PTPRO: variants seen among roughly 807,000 people sequenced by gnomAD.
PTPRO encodes protein tyrosine phosphatase receptor type O.
A neutral mutation model predicts 145.2 loss-of-function variants in PTPRO; 62 were observed. That is an observed-to-expected ratio of 0.43 (90% CI 0.35 to 0.53). PTPRO has a LOEUF of 0.53. Among genes scored for constraint, PTPRO ranks in the 20% least tolerant of loss-of-function variants. PTPRO has a pLI of 0.01. For missense variants in PTPRO, 1,345 were observed against 1,482.7 expected (o/e 0.91, Z 1.53); for synonymous variants, 565 against 514.7 (o/e 1.10, Z -1.32).
At chr12:15,453,554 A>T (rs1390346844) in intron 1 of PTPRO, among the ~76,000 whole-genome samples, 1 of 152,198 alleles carries the variant, frequency 6.6e-6, no homozygotes, top group East Asian at 1.9e-4. Flanking sequence ...AGCAAGCATA[A>T]TCTAGCAAAT....
chr12:15,429,555 T>A (rs756144932), intron 1 of PTPRO, among the ~76,000 whole-genome samples: 1 of 152,124 alleles, frequency 6.6e-6, no homozygotes, highest in African/African-American at 2.4e-5. Context: ...ATAATCCAGT[T>A]AAGAAACTGA....
chr12:15,443,019 A>G (rs920212408), intron 1 of PTPRO, among the ~76,000 whole-genome samples: 1 of 152,160 alleles, frequency 6.6e-6, no homozygotes, highest in African/African-American at 2.4e-5. Flanking sequence ...TAGTCTAAGC[A>G]ATCCTAAAAA....
intron 1 of PTPRO, among the ~76,000 whole-genome samples, chr12:15,465,445 C>G: frequency 6.6e-6 from 1 of 152,130 alleles, no homozygotes. Flanking sequence ...AACTTGGGGA[C>G]AGAAGAATTT....
At chr12:15,514,867 A>C (rs1002208367) in intron 7 of PTPRO, among the ~76,000 whole-genome samples, 3 of 151,974 alleles carry the variant, frequency 2.0e-5, no homozygotes, top group Admixed American at 1.3e-4. Context: ...GGTTCAAGCA[A>C]TTCTCCTACC....
intron 1 of PTPRO, among the ~76,000 whole-genome samples, chr12:15,339,577 T>C (rs1407062769): frequency 6.6e-6 from 1 of 152,188 alleles, no homozygotes; most frequent in Non-Finnish European, 1.5e-5. Context: ...AAAATAATCC[T>C]CTGTTGCTTG....
chr12:15,564,319 C>T (rs1943845940), intron 17 of PTPRO, among the ~76,000 whole-genome samples: 1 of 152,204 alleles, frequency 6.6e-6, no homozygotes, highest in Non-Finnish European at 1.5e-5. Context: ...TCTTTTCAAT[C>T]AGAACATCAC....
At chr12:15,482,738 A>G (rs893985513) in intron 1 of PTPRO, among the ~76,000 whole-genome samples, 14 of 152,272 alleles carry the variant, frequency 9.2e-5, no homozygotes, top group African/African-American at 3.1e-4. Context: ...TATATCGTCA[A>G]TTTAATCAGC....
At chr12:15,438,364 A>T (rs1373731589) in intron 1 of PTPRO, among the ~76,000 whole-genome samples, 3 of 152,156 alleles carry the variant, frequency 2.0e-5, no homozygotes, top group African/African-American at 7.2e-5. Flanking sequence ...TCCCTAGCCA[A>T]AATGGAAACT....
chr12:15,516,705 A>T (rs1247625113), intron 8 of PTPRO, 58 bp from the exon 9 acceptor site: 1 of 1,472,894 alleles, frequency 6.8e-7, no homozygotes. Flanking sequence ...GTTTGAGGCC[A>T]TTGCTAAGAC....
chr12:15,546,730 C>A (rs779234320), intron 13 of PTPRO, 22 bp downstream of exon 13: 4 of 1,613,528 alleles, frequency 2.5e-6, no homozygotes, highest in Non-Finnish European at 8.5e-7. Flanking sequence ...TTTGATCTAC[C>A]TTTTCTCAGT....
At position 15,425,534 on chromosome 12, in the gene PTPRO, A is replaced by T. The variant is rs538157209; in HGVS notation, c.76-58440A>T. Reference sequence around the variant, plus strand: ...TATCTTATTAAACAAGGCCTTGCCCAGCTCAGATTATAAAATAACCTCCTA... The same window carrying T: ...TATCTTATTAAACAAGGCCTTGCCCTGCTCAGATTATAAAATAACCTCCTA... On this transcript the variant is annotated intron_variant, in intron 1 of 26. Transcript: ENST00000281171. Among the ~76,000 whole-genome samples the T allele has an allele frequency of 2.0e-5, 3 of 152,250 alleles. No homozygotes were observed. The South Asian group carries it at 6.2e-4, about 32-fold the overall frequency.
At chr12:15,460,805 T>A (rs1162943348) in intron 1 of PTPRO, among the ~76,000 whole-genome samples, 1 of 152,190 alleles carries the variant, frequency 6.6e-6, no homozygotes, top group East Asian at 1.9e-4. Context: ...CTTTTCTGGG[T>A]CTTGGGTTTC....
intron 1 of PTPRO, among the ~76,000 whole-genome samples, chr12:15,450,090 T>C (rs7976706): frequency 0.86 from 130,872 of 152,236 alleles, 59,139 homozygotes; most frequent in Non-Finnish European, 0.99. Flanking sequence ...ACATCTATGT[T>C]CATGTCTTAT....
intron 1 of PTPRO, among the ~76,000 whole-genome samples, chr12:15,383,086 C>T (rs75744776): frequency 0.016 from 2,423 of 152,278 alleles, 67 homozygotes; most frequent in African/African-American, 0.054. Flanking sequence ...ACTGAAGCTT[C>T]GTGTTCTTTG....
At chr12:15,474,246 A>G (rs1941605880) in intron 1 of PTPRO, among the ~76,000 whole-genome samples, 1 of 152,176 alleles carries the variant, frequency 6.6e-6, no homozygotes, top group South Asian at 2.1e-4. Flanking sequence ...TGACTAGAAC[A>G]TATCTCTGAC....
At chr12:15,411,412 T>C (rs1400017827) in intron 1 of PTPRO, among the ~76,000 whole-genome samples, 1 of 152,254 alleles carries the variant, frequency 6.6e-6, no homozygotes, top group Non-Finnish European at 1.5e-5. Context: ...AGTCCCATTT[T>C]TTACTTATTT....
chr12:15,582,040 T>G (rs1490580771), intron 23 of PTPRO, among the ~76,000 whole-genome samples: 2 of 152,262 alleles, frequency 1.3e-5, no homozygotes, highest in South Asian at 2.1e-4. Flanking sequence ...CTATAGATTA[T>G]AGATTAACTA....
intron 11 of PTPRO, among the ~76,000 whole-genome samples, chr12:15,525,918 A>C (rs1308425133): frequency 6.6e-6 from 1 of 152,124 alleles, no homozygotes; most frequent in Non-Finnish European, 1.5e-5. Flanking sequence ...TCATTGCAAA[A>C]TTTTTCTGAT....
chr12:15,337,323 T>C (rs1054267051), intron 1 of PTPRO: 1 of 152,182 alleles, frequency 6.6e-6, no homozygotes, highest in Non-Finnish European at 1.5e-5. Context: ...ATAGTGATAC[T>C]TGGGATCCTT....
Sources: allele counts gnomAD v4.1 joint callset (sites outside exome capture counted in the v4.1 genomes callset), GRCh38; gene constraint gnomAD v4.1.1; transcripts MANE v1.5; gene names NCBI Gene and HGNC (gene_info 2026-07-23, HGNC 2026-07-21).